Variants in DUSP16 observed in about 807,000 individuals in gnomAD.
DUSP16 encodes dual specificity protein phosphatase 16.
DUSP16 carries 21 observed loss-of-function variants against 58.3 expected under a neutral mutation model. That is an observed-to-expected ratio of 0.36 (90% CI 0.26 to 0.52). The LOEUF (loss-of-function observed/expected upper bound fraction) is 0.52, where lower values mean the gene tolerates loss of function less well. Ranked by LOEUF, DUSP16 falls within the 20% of genes least tolerant of loss-of-function variation. The pLI, the probability that DUSP16 is intolerant of heterozygous loss-of-function variation, is 0.94. For missense variants in DUSP16, 726 were observed against 819.0 expected (o/e 0.89, Z 1.39); for synonymous variants, 320 against 323.8 (o/e 0.99, Z 0.12).
chr12:12,484,702 A>G (rs1592166043), intron 5 of DUSP16, among the ~76,000 whole-genome samples: 1 of 151,892 alleles, frequency 6.6e-6, no homozygotes, highest in Non-Finnish European at 1.5e-5. Flanking sequence ...GCTCACTGCA[A>G]CCTCCACATC....
intron 1 of DUSP16, chr12:12,560,827 G>A (rs1024746748): frequency 6.6e-6 from 1 of 152,062 alleles, no homozygotes; most frequent in African/African-American, 2.4e-5. Flanking sequence ...TTGAGGAAAC[G>A]GTTATCCTTT....
At chr12:12,478,094 T>C (rs1943493022) in intron 6 of DUSP16, 79 bp from the exon 7 acceptor site, 10 of 1,250,138 alleles carry the variant, frequency 8.0e-6, no homozygotes, top group Non-Finnish European at 1.1e-5. Flanking sequence ...ATAAATGAGA[T>C]AGGGAATTAT....
intron 4 of DUSP16, among the ~76,000 whole-genome samples, chr12:12,492,482 C>T (rs1040770982): frequency 1.3e-5 from 2 of 152,118 alleles, no homozygotes; most frequent in Admixed American, 6.6e-5. Flanking sequence ...AAATCCATCC[C>T]CTCTTGCTCA....
chr12:12,545,459 TTC>T (rs1491294013), intron 1 of DUSP16, among the ~76,000 whole-genome samples: 2 of 150,760 alleles, frequency 1.3e-5, no homozygotes, highest in East Asian at 1.9e-4. Flanking sequence ...TTTTTTTTTT[TTC>T]CGTAAAGACA....
chr12:12,498,942 T>C (rs1943871677), intron 4 of DUSP16, among the ~76,000 whole-genome samples: 2 of 152,228 alleles, frequency 1.3e-5, no homozygotes, highest in Admixed American at 1.3e-4. Flanking sequence ...TCCTGCTTAG[T>C]GCTGTATATG....
intron 1 of DUSP16, among the ~76,000 whole-genome samples, chr12:12,523,893 G>T (rs1203597969): frequency 6.6e-6 from 1 of 152,152 alleles, no homozygotes; most frequent in Non-Finnish European, 1.5e-5. Context: ...GTCCATGAGG[G>T]TACCCAGGTG....
chr12:12,529,544 G>A (rs549445671), intron 1 of DUSP16, among the ~76,000 whole-genome samples: 2 of 152,312 alleles, frequency 1.3e-5, no homozygotes, highest in South Asian at 2.1e-4. Context: ...TTGTTGTGAT[G>A]AGAACACTTA....
At chr12:12,543,529 T>C (rs935013606) in intron 1 of DUSP16, among the ~76,000 whole-genome samples, 1 of 152,194 alleles carries the variant, frequency 6.6e-6, no homozygotes, top group East Asian at 1.9e-4. Flanking sequence ...ATTTGTCTTA[T>C]ATAAATACCT....
In DUSP16 at chr12:12,496,254, T is replaced by C. The variant is rs536786884; in HGVS notation, c.531+4265A>G. ...TCATAGACATTGAAGAAATATTTTA[T>C]TGATAATTTTGACACGCTTTTGTGT... is the stretch of plus-strand genomic sequence containing the variant. On this transcript the variant is annotated intron_variant, in intron 4 of 6. Transcript: ENST00000298573. Among the ~76,000 whole-genome samples, 26 of 152,356 alleles carry C rather than the reference T, an allele frequency of 1.7e-4. No homozygotes were observed. In the South Asian group the frequency reaches 3.5e-3, roughly 21 times the overall value.
intron 1 of DUSP16, among the ~76,000 whole-genome samples, chr12:12,550,204 C>T (rs1477189496): frequency 2.0e-5 from 3 of 150,284 alleles, no homozygotes; most frequent in African/African-American, 7.4e-5. Flanking sequence ...ACCCGGGAGG[C>T]GGAGGCTGCA....
chr12:12,521,139 T>G lies in DUSP16; in HGVS notation c.-41A>C, dbSNP rs903208512. 29 of 1,597,258 alleles carry G rather than the reference T, an allele frequency of 1.8e-5. No homozygotes were observed. The highest frequency in any genetic ancestry group is 2.4e-5 in the Non-Finnish European group (28 of 1,171,426). ...TCTTTTCCCACCTCCTTCTTTAATTTGCCACGATGATGTAATGGTGGTGTG... is the reference window on the plus strand; with the variant it reads ...TCTTTTCCCACCTCCTTCTTTAATTGGCCACGATGATGTAATGGTGGTGTG... On this transcript the variant is annotated 5_prime_UTR_variant, in exon 2 of 7. Coordinates refer to ENST00000298573, the MANE Select transcript of DUSP16 (RefSeq NM_030640.3).
At chr12:12,543,672 G>A (rs1944598008) in intron 1 of DUSP16, among the ~76,000 whole-genome samples, 1 of 152,000 alleles carries the variant, frequency 6.6e-6, no homozygotes, top group African/African-American at 2.4e-5. Context: ...ATATGGACAT[G>A]TAAAAAGAAA....
chr12:12,511,503 G>A (rs1944079261), intron 3 of DUSP16, among the ~76,000 whole-genome samples: 1 of 151,872 alleles, frequency 6.6e-6, no homozygotes, highest in African/African-American at 2.4e-5. Context: ...TTTTAATCAT[G>A]TTCTTTCCCC....
At chr12:12,508,360 C>A (rs1316906980) in intron 3 of DUSP16, among the ~76,000 whole-genome samples, 1 of 152,010 alleles carries the variant, frequency 6.6e-6, no homozygotes, top group Non-Finnish European at 1.5e-5. Context: ...AATTTCATAC[C>A]CCTAAAGAAA....
At chr12:12,490,772 T>TA in intron 4 of DUSP16, among the ~76,000 whole-genome samples, 1 of 152,318 alleles carries the variant, frequency 6.6e-6, no homozygotes, top group South Asian at 2.1e-4. Flanking sequence ...GTCCCCCAAA[T>TA]ACTTTACAGC....
In DUSP16 at chr12:12,496,112, G is replaced by A. The variant is rs546834314; in HGVS notation, c.531+4407C>T. The stretch of plus-strand genomic sequence containing the variant: ...AAAGCTGGCTCTCAACCATCATGCC[G>A]TGCTGCTTCCACACTGGGAGGGACA... On this transcript the variant is annotated intron_variant, in intron 4 of 6. Coordinates refer to ENST00000298573, the MANE Select transcript of DUSP16 (RefSeq NM_030640.3). Among the ~76,000 whole-genome samples, 5 of 152,332 alleles carry A rather than the reference G, an allele frequency of 3.3e-5. No homozygotes were observed. In the South Asian group the frequency reaches 6.2e-4, roughly 19 times the overall value.
chr12:12,499,504 G>C (rs112680888), intron 4 of DUSP16, among the ~76,000 whole-genome samples: 1 of 152,092 alleles, frequency 6.6e-6, no homozygotes, highest in Non-Finnish European at 1.5e-5. Context: ...ACTCACAAAA[G>C]AATGCCTTAT....
At chr12:12,513,613 A>G (rs983915037) in intron 3 of DUSP16, among the ~76,000 whole-genome samples, 1 of 152,192 alleles carries the variant, frequency 6.6e-6, no homozygotes, top group African/African-American at 2.4e-5. Context: ...TTTCTCCCGC[A>G]ATCGCTGTAG....
At chr12:12,525,856 G>A (rs1007173821) in intron 1 of DUSP16, among the ~76,000 whole-genome samples, 2 of 151,950 alleles carry the variant, frequency 1.3e-5, no homozygotes, top group East Asian at 1.9e-4. Context: ...TAAATGCTGG[G>A]GGTCACCACA....
Sources: gnomAD v4.1 joint callset for allele counts (sites outside exome capture counted in the v4.1 genomes callset) on GRCh38, gnomAD v4.1.1 for gene constraint, MANE v1.5 for transcripts, NCBI Gene and HGNC (gene_info 2026-07-23, HGNC 2026-07-21) for gene names.